The following HECW1 variants were observed in gnomAD, a reference collection of about 807,000 sequenced individuals.
HECW1 encodes the protein HECT, C2 and WW domain containing E3 ubiquitin protein ligase 1.
Under a neutral mutation model 182.3 loss-of-function variants are expected in HECW1, and 61 were observed. The observed-to-expected ratio is 0.33, with a 90% confidence interval of 0.27 to 0.41. The LOEUF (loss-of-function observed/expected upper bound fraction) is 0.41. HECW1 is among the 10% of genes least tolerant of loss of function. The pLI, the probability that HECW1 is intolerant of heterozygous loss-of-function variation, is 1.00. For missense variants in HECW1, 1,739 were observed against 2,108.9 expected (o/e 0.82, Z 3.44); for synonymous variants, 859 against 832.6 (o/e 1.03, Z -0.55).
intron 2 of HECW1, among the ~76,000 whole-genome samples, chr7:43,201,497 A>G (rs1795011375): frequency 6.6e-6 from 1 of 152,250 alleles, no homozygotes; most frequent in Non-Finnish European, 1.5e-5. Flanking sequence ...CTGTAAACCT[A>G]TAATATTTTT....
intron 26 of HECW1, 134 bp from the exon 27 acceptor site, chr7:43,550,311 A>G (rs116497914): frequency 1.1e-6 from 1 of 932,076 alleles, no homozygotes; most frequent in Non-Finnish European, 1.6e-6. Context: ...AGGAAAAAAG[A>G]CTCCAGGGAT....
intron 2 of HECW1, among the ~76,000 whole-genome samples, chr7:43,149,188 G>A (rs1017683123): frequency 1.3e-5 from 2 of 152,026 alleles, no homozygotes; most frequent in African/African-American, 2.4e-5. Context: ...AAATAATGAG[G>A]TTAGAGCAGC....
chr7:43,181,143 T>A (rs941312213), intron 2 of HECW1, among the ~76,000 whole-genome samples: 1 of 150,872 alleles, frequency 6.6e-6, no homozygotes, highest in Non-Finnish European at 1.5e-5. Context: ...CATAATGTCC[T>A]CCAGGTTCAT....
chr7:43,474,321 T>C (rs551342840), intron 16 of HECW1, among the ~76,000 whole-genome samples: 78 of 151,984 alleles, frequency 5.1e-4, no homozygotes, highest in East Asian at 3.3e-3. Context: ...TGGTGGCGGG[T>C]GCCTGTAGTC....
Position 43,444,380 on chromosome 7 carries a change from A to G in HECW1, c.1208A>G (p.Asp403Gly), listed in dbSNP as rs199787620. 6.2e-7 allele frequency: 1 copy of G among 1,614,054 alleles called. No individual in the cohort carries two copies. Among genetic ancestry groups the G allele is most frequent in the South Asian group, 1.1e-5 (1 of 91,056 alleles). Residue 403 changes from aspartate (D) to glycine (G), a missense_variant, in exon 11 of 30, where the codon GAT becomes GGT. Around this residue, in one of 5 missense-constraint regions of HECW1, gnomAD observed 971 missense variants for 1,029.1 expected, o/e 0.94. Coordinates refer to ENST00000395891, the MANE Select transcript of HECW1 (RefSeq NM_015052.5). The surrounding 1 kb of genome is among the most constrained non-coding windows in gnomAD (Gnocchi z 4.3). ...CAGCTGGGTGAGGGCAGTGTCCCCGATGGTCCAGGGAACCAAAGCATAGAG... is the reference window on the plus strand; with the variant it reads ...CAGCTGGGTGAGGGCAGTGTCCCCGGTGGTCCAGGGAACCAAAGCATAGAG... ...PEQLGEGSVP[D>G]GPGNQSIELS...
intron 6 of HECW1, among the ~76,000 whole-genome samples, chr7:43,384,385 G>A (rs2074683776): frequency 6.6e-6 from 1 of 152,186 alleles, no homozygotes; most frequent in Non-Finnish European, 1.5e-5. Context: ...CCTCTGGAGG[G>A]AATGTGGCAG....
At chr7:43,257,165 A>G (rs1016849628) in intron 3 of HECW1, among the ~76,000 whole-genome samples, 1 of 152,198 alleles carries the variant, frequency 6.6e-6, no homozygotes, top group South Asian at 2.1e-4. Context: ...TCACACAAAT[A>G]CAGTGTATAT....
At chr7:43,145,785 T>A (rs1788643034) in intron 2 of HECW1, among the ~76,000 whole-genome samples, 1 of 152,148 alleles carries the variant, frequency 6.6e-6, no homozygotes, top group African/African-American at 2.4e-5. Flanking sequence ...TTATGAAAGA[T>A]CTGTAGGCTA....
intron 24 of HECW1, among the ~76,000 whole-genome samples, chr7:43,525,362 A>G (rs1477094604): frequency 6.6e-6 from 1 of 152,250 alleles, no homozygotes; most frequent in East Asian, 1.9e-4. Flanking sequence ...ATTGCATTCA[A>G]AAGTCTTTTT....
intron 3 of HECW1, among the ~76,000 whole-genome samples, chr7:43,293,231 A>AAAG (rs1200900410): frequency 6.6e-6 from 1 of 151,154 alleles, no homozygotes; most frequent in Non-Finnish European, 1.5e-5. Context: ...AAAAAAAAAA[A>AAAG]AAAAAGAAAA....
chr7:43,445,518 A>G lies in HECW1; in HGVS notation c.2346A>G (p.Arg782=). The change falls in exon 11 of 30, where the codon AGA becomes AGG. Residue 782 remains arginine, a synonymous_variant. Transcript: ENST00000395891. ...ELAAPSGHVE[R]SPEGLESPVA... is the part of the protein sequence containing the mutation. Reference sequence around the variant, plus strand: ...CCGCCCCTAGCGGGCACGTGGAAAGAAGCCCGGAAGGTCTGGAATCCCCCG... The same window carrying G: ...CCGCCCCTAGCGGGCACGTGGAAAGGAGCCCGGAAGGTCTGGAATCCCCCG... The G allele has an allele frequency of 6.2e-7, 1 of 1,610,412 alleles. No individual in the cohort carries two copies. Among genetic ancestry groups the G allele is most frequent in the East Asian group, 2.2e-5 (1 of 44,804 alleles).
intron 8 of HECW1, among the ~76,000 whole-genome samples, chr7:43,418,885 T>C (rs957415873): frequency 6.6e-6 from 1 of 152,222 alleles, no homozygotes; most frequent in Non-Finnish European, 1.5e-5. Context: ...AATGTTATAC[T>C]GAAGAGACTC....
At chr7:43,173,056 T>C (rs183533365) in intron 2 of HECW1, among the ~76,000 whole-genome samples, 3 of 152,264 alleles carry the variant, frequency 2.0e-5, no homozygotes, top group Non-Finnish European at 2.9e-5. Context: ...CCCAACTCCT[T>C]AAAGCTAAAG....
At chr7:43,317,898 A>G (rs972140854) in intron 4 of HECW1, among the ~76,000 whole-genome samples, 8 of 147,978 alleles carry the variant, frequency 5.4e-5, no homozygotes, top group African/African-American at 2.0e-4. Flanking sequence ...CCTCCCCTTC[A>G]TCCTTTTCTC....
Position 43,360,912 on chromosome 7 carries a change from T to C in HECW1, c.487T>C (p.Tyr163His). ...EPETKICFKY[Y>H]HGVSGALRAT... ...TGAAACTAAGATCTGCTTCAAATACTACCATGGAGTGAGTGGGGCCCTGCG... is the reference window on the plus strand; with the variant it reads ...TGAAACTAAGATCTGCTTCAAATACCACCATGGAGTGAGTGGGGCCCTGCG... The change falls in exon 6 of 30, where the codon TAC becomes CAC. Residue 163 changes from tyrosine (Y) to histidine (H), a missense_variant. Tyr to His is a moderately conservative substitution (Grantham distance 83, BLOSUM62 2). Around this residue, in one of 5 missense-constraint regions of HECW1, gnomAD observed 279 missense variants for 353.1 expected, o/e 0.79. Transcript: ENST00000395891. The C allele has an allele frequency of 1.2e-6, 2 of 1,614,146 alleles. No homozygotes were observed. The highest frequency in any genetic ancestry group is 1.7e-6 in the Non-Finnish European group (2 of 1,179,984).
chr7:43,518,453 G>A (rs532780528), intron 24 of HECW1, among the ~76,000 whole-genome samples: 112 of 151,348 alleles, frequency 7.4e-4, no homozygotes, highest in South Asian at 2.7e-3. Flanking sequence ...CCTGGATTGC[G>A]CCACTGCACT....
intron 19 of HECW1, among the ~76,000 whole-genome samples, chr7:43,494,255 C>T (rs2079035224): frequency 6.6e-6 from 1 of 152,108 alleles, no homozygotes; most frequent in South Asian, 2.1e-4. Flanking sequence ...CCTCCCTCTT[C>T]TTCCACCTCC....
chr7:43,363,709 G>A lies in HECW1; in HGVS notation c.555+2729G>A, dbSNP rs192270511. Among the ~76,000 whole-genome samples, 8 of 152,290 alleles carry A rather than the reference G, an allele frequency of 5.3e-5. No homozygotes were observed. In the East Asian group the frequency reaches 1.5e-3, roughly 29 times the overall value. On this transcript the variant is annotated intron_variant, in intron 6 of 29. Coordinates refer to ENST00000395891, the MANE Select transcript of HECW1 (RefSeq NM_015052.5). ...TCACGGGCAATTAGGTTTCATAGGA[G>A]CCACTGGGAGGAGCCCCCTTTGTTT...
chr7:43,323,130 A>C (rs1810341850), intron 5 of HECW1, among the ~76,000 whole-genome samples: 1 of 152,192 alleles, frequency 6.6e-6, no homozygotes, highest in Non-Finnish European at 1.5e-5. Flanking sequence ...ACACACCAAA[A>C]AATGGGGAAT....
Sources: gnomAD v4.1 joint callset for allele counts (sites outside exome capture counted in the v4.1 genomes callset) on GRCh38, gnomAD v4.1.1 for gene constraint, gnomAD v4.1.1 regional missense constraint, Gnocchi (gnomAD v3.1) non-coding constraint, MANE v1.5 for transcripts, NCBI Gene and HGNC (gene_info 2026-07-23, HGNC 2026-07-21) for gene names.